The following MACF1 variants were observed in gnomAD, a reference collection of about 807,000 sequenced individuals.
The protein encoded by MACF1 is microtubule-actin cross-linking factor 1.
Under a neutral mutation model 854.8 loss-of-function variants are expected in MACF1, and 193 were observed. That is an observed-to-expected ratio of 0.23 (90% CI 0.20 to 0.25). The LOEUF is 0.25. Among genes scored for constraint, MACF1 ranks in the 10% least tolerant of loss-of-function variants. MACF1 has a pLI of 1.00. For missense variants in MACF1, 7,722 were observed against 8,929.1 expected (o/e 0.86, Z 5.45); for synonymous variants, 3,185 against 3,226.7 (o/e 0.99, Z 0.44).
At chr1:39,151,079 C>G (rs1324944056) in intron 2 of MACF1, among the ~76,000 whole-genome samples, 1 of 152,066 alleles carries the variant, frequency 6.6e-6, no homozygotes, top group Non-Finnish European at 1.5e-5. Context: ...CAGATGAAAC[C>G]CTTCACTCTG....
chr1:39,372,767 A>G (rs944637583), intron 52 of MACF1, 171 bp downstream of exon 52: 3 of 561,386 alleles, frequency 5.3e-6, no homozygotes, highest in Non-Finnish European at 9.5e-6. Flanking sequence ...TTTGCTATAT[A>G]ACATTGCTCC....
chr1:39,441,375 C>A, intron 74 of MACF1, 50 bp downstream of exon 74: 2 of 1,473,350 alleles, frequency 1.4e-6, no homozygotes, highest in Non-Finnish European at 1.9e-6. Flanking sequence ...CTGTTTTTTG[C>A]CATTTTTGTC....
intron 2 of MACF1, among the ~76,000 whole-genome samples, chr1:39,181,409 C>T (rs893523143): frequency 6.6e-6 from 1 of 152,144 alleles, no homozygotes; most frequent in South Asian, 2.1e-4. Context: ...TGGCAGCACT[C>T]CCCAAACTGA....
At position 39,333,110 on chromosome 1, in the gene MACF1, A is replaced by G. The variant is rs753844257; in HGVS notation, c.6522A>G (p.Gln2174=). Residue 2174 remains glutamine, a synonymous_variant, in exon 37 of 101, where the codon CAA becomes CAG. Transcript: ENST00000564288. ...CTTCCTTTACATGTCAGAATGAACA[A>G]GCACACACTCTTGAGACTGAATATA... ...RNTSFTCQNE[Q]AHTLETEYIH... The G allele has an allele frequency of 3.1e-6, 5 of 1,614,174 alleles. No individual in the cohort carries two copies. Among genetic ancestry groups the G allele is most frequent in the Non-Finnish European group, 4.2e-6 (5 of 1,180,038 alleles).
At chr1:39,223,536 CAG>C (rs1242642156) in intron 1 of MACF1, among the ~76,000 whole-genome samples, 5 of 149,494 alleles carry the variant, frequency 3.3e-5, no homozygotes, top group Admixed American at 6.7e-5. Flanking sequence ...TTTTTTAAGA[CAG>C]AATCTCACTG....
At chr1:39,146,506 A>G (rs186810863) in intron 2 of MACF1, among the ~76,000 whole-genome samples, 29 of 152,246 alleles carry the variant, frequency 1.9e-4, no homozygotes, top group African/African-American at 7.0e-4. Context: ...ATAGAGTACT[A>G]GTCGGCCATA....
intron 52 of MACF1, 63 bp downstream of exon 52, chr1:39,372,659 A>G: frequency 9.8e-7 from 1 of 1,017,220 alleles, no homozygotes; most frequent in Non-Finnish European, 1.6e-6. Context: ...GCCTTTGGAG[A>G]TGCCTCCTTA....
At chr1:39,478,967 C>G (rs1368198616) in intron 97 of MACF1, among the ~76,000 whole-genome samples, 1 of 152,160 alleles carries the variant, frequency 6.6e-6, no homozygotes. Context: ...GGGATTATGT[C>G]TTTTAAATTA....
In MACF1 at chr1:39,205,111, G is replaced by C; in HGVS notation, c.89G>C (p.Arg30Thr). Reference protein sequence around the residue: ...LGVAGVLYWKRHARGRADERD... With the variant: ...LGVAGVLYWKTHARGRADERD... ...GTTGCTGGTGTTCTATACTGGAAGA[G>C]GCATGCCAGAGGTAGAGCAGGTAAC... is the stretch of plus-strand genomic sequence containing the variant. Residue 30 changes from arginine (R) to threonine (T), a missense_variant, in exon 1 of 101, where the codon AGG becomes ACG. Arg to Thr is a moderately conservative substitution (Grantham distance 71). Around this residue, in one of 15 missense-constraint regions of MACF1, gnomAD observed 22 missense variants for 16.1 expected, o/e 1.37. Transcript: ENST00000564288. The C allele has an allele frequency of 1.4e-6, 1 of 703,000 alleles. No individual in the cohort carries two copies. Among genetic ancestry groups the C allele is most frequent in the Non-Finnish European group, 2.6e-6 (1 of 384,994 alleles). 43.5% of individuals were successfully genotyped at this position (703,000 alleles called of 1,614,324 possible).
intron 2 of MACF1, among the ~76,000 whole-genome samples, chr1:39,130,458 C>T (rs1275083414): frequency 6.6e-6 from 1 of 152,168 alleles, no homozygotes; most frequent in Non-Finnish European, 1.5e-5. Context: ...CTACTCCTTT[C>T]TCTGTTTTCA....
At chr1:39,346,918 C>A in intron 40 of MACF1, 59 bp from the exon 41 acceptor site, 2 of 1,111,574 alleles carry the variant, frequency 1.8e-6, no homozygotes, top group Non-Finnish European at 2.7e-6. Context: ...TCTTCATGAA[C>A]TGAGAAATGG....
Position 39,379,289 on chromosome 1 carries a change from C to T in MACF1, c.13363C>T (p.Leu4455Phe), listed in dbSNP as rs1378951437. 6.2e-7 allele frequency: 1 copy of T among 1,613,334 alleles called. No individual in the cohort carries two copies. The highest frequency in any genetic ancestry group is 8.5e-7 in the Non-Finnish European group (1 of 1,179,782). ...AGTACTTCATGAACGCCAGGAAAGC[C>T]TTCAGGCTATCCTCAACAGAATGGA... Reference protein sequence around the residue: ...GGVLHERQESLQAILNRMEEV... With the variant: ...GGVLHERQESFQAILNRMEEV... The change falls in exon 54 of 101, where the codon CTT (leucine) becomes TTT (phenylalanine). Residue 4455 changes from leucine to phenylalanine, a missense_variant. Leu to Phe is a conservative substitution (Grantham distance 22). Around this residue, in one of 15 missense-constraint regions of MACF1, gnomAD observed 2,807 missense variants for 3,235.8 expected, o/e 0.87. Transcript: ENST00000564288.
At chr1:39,197,570 A>G (rs184869331) in intron 2 of MACF1, among the ~76,000 whole-genome samples, 15 of 152,288 alleles carry the variant, frequency 9.8e-5, no homozygotes, top group African/African-American at 3.1e-4. Flanking sequence ...GGAAACGAAA[A>G]TATGGTGAAG....
At position 39,417,713 on chromosome 1, in the gene MACF1, A is replaced by ATTTTTTTTTTTTTTT. The variant is rs56799242; in HGVS notation, c.15817-4639_15817-4625dup. On this transcript the variant is annotated intron_variant, in intron 58 of 100. Coordinates refer to ENST00000564288, the MANE Select transcript of MACF1 (RefSeq NM_001394062.1). ...AGGAATGTGCCACCACACCCAGTTA[A>ATTTTTTTTTTTTTTT]TTTTTTTTTTTTTTTTTTTTTTTTT... Among the ~76,000 whole-genome samples the ATTTTTTTTTTTTTTT allele has an allele frequency of 2.0e-4, 11 of 55,832 alleles. 3 individuals are homozygous for ATTTTTTTTTTTTTTT. Among genetic ancestry groups the ATTTTTTTTTTTTTTT allele is most frequent in the South Asian group, 1.6e-3 (2 of 1,286 alleles). 36.6% of individuals were successfully genotyped at this position (55,832 alleles called of 152,430 possible).
intron 78 of MACF1, 106 bp downstream of exon 78, chr1:39,443,017 C>T: frequency 1.8e-6 from 2 of 1,126,928 alleles, no homozygotes; most frequent in Non-Finnish European, 2.6e-6. Flanking sequence ...TCCCTTATGT[C>T]TTGAGGGGAA....
intron 1 of MACF1, among the ~76,000 whole-genome samples, chr1:39,216,926 G>T (rs959907310): frequency 2.0e-5 from 3 of 152,022 alleles, no homozygotes; most frequent in Non-Finnish European, 4.4e-5. Context: ...TAAGAAAATG[G>T]GCTTGGCATC....
intron 2 of MACF1, among the ~76,000 whole-genome samples, chr1:39,140,788 G>A (rs1045539112): frequency 2.0e-5 from 3 of 151,820 alleles, no homozygotes; most frequent in East Asian, 1.9e-4. Context: ...GGTGGCACAC[G>A]TCTGTAATCC....
chr1:39,111,491 T>TC, intron 2 of MACF1, among the ~76,000 whole-genome samples: 1 of 152,176 alleles, frequency 6.6e-6, no homozygotes, highest in African/African-American at 2.4e-5. Context: ...CATGCCATTC[T>TC]CCTGTCTCAG....
At chr1:39,164,886 T>C (rs917188413) in intron 2 of MACF1, among the ~76,000 whole-genome samples, 6 of 152,238 alleles carry the variant, frequency 3.9e-5, no homozygotes, top group African/African-American at 1.2e-4. Context: ...GTGCTGTGTT[T>C]TAAATCAATG....
Sources: allele counts gnomAD v4.1 joint callset (sites outside exome capture counted in the v4.1 genomes callset), GRCh38; gene constraint gnomAD v4.1.1; regional missense constraint gnomAD v4.1.1; transcripts MANE v1.5; gene names NCBI Gene and HGNC (gene_info 2026-07-23, HGNC 2026-07-21).